RASEF: variants seen among roughly 807,000 people sequenced by gnomAD.
RASEF encodes the protein ras and EF-hand domain-containing protein.
A neutral mutation model predicts 90.1 loss-of-function variants in RASEF; 68 were observed. That is an observed-to-expected ratio of 0.75 (90% CI 0.62 to 0.92). RASEF has a LOEUF of 0.92. Ranked by LOEUF, RASEF falls within the 40% of genes least tolerant of loss-of-function variation. RASEF has a pLI of 0.00. For missense variants in RASEF, 949 were observed against 937.2 expected (o/e 1.01, Z -0.16); for synonymous variants, 331 against 345.2 (o/e 0.96, Z 0.46).
chr9:83,005,150 A>G (rs1446196655), intron 8 of RASEF, among the ~76,000 whole-genome samples: 1 of 152,238 alleles, frequency 6.6e-6, no homozygotes, highest in Non-Finnish European at 1.5e-5. Context: ...CTTTCAGGCC[A>G]AAGATCCCAT....
chr9:83,136,165 G>A, the RASEF span, among the ~76,000 whole-genome samples: 1 of 151,862 alleles, frequency 6.6e-6, no homozygotes, highest in Non-Finnish European at 1.5e-5. Flanking sequence ...TTTTATTTCT[G>A]CATGTATGCA....
chr9:82,995,584 T>C (rs571179095), intron 14 of RASEF, among the ~76,000 whole-genome samples: 7 of 152,152 alleles, frequency 4.6e-5, no homozygotes, highest in Non-Finnish European at 7.3e-5. Context: ...CAGCTGGGAC[T>C]AGAGGTCCAT....
the RASEF span, among the ~76,000 whole-genome samples, chr9:83,099,624 A>G: frequency 6.6e-6 from 1 of 152,250 alleles, no homozygotes; most frequent in Non-Finnish European, 1.5e-5. Flanking sequence ...CAAAATTTCA[A>G]TTTATACATA....
At chr9:83,079,328 T>C in the RASEF span, among the ~76,000 whole-genome samples, 1 of 152,216 alleles carries the variant, frequency 6.6e-6, no homozygotes, top group Non-Finnish European at 1.5e-5. Context: ...CCATTGCTTG[T>C]TTTTGTCAGC....
At chr9:82,998,257 T>G in intron 13 of RASEF, 108 bp downstream of exon 13, 1 of 637,864 alleles carries the variant, frequency 1.6e-6, no homozygotes, top group Non-Finnish European at 2.8e-6. Context: ...CATATAATTA[T>G]AAAGTATGTT....
rs748327193 is a variant in RASEF, at chr9:83,022,316, T to G, written c.669+20A>C. The G allele has an allele frequency of 4.4e-6, 7 of 1,598,890 alleles. No homozygotes were observed. Among genetic ancestry groups the G allele is most frequent in the South Asian group, 1.1e-5 (1 of 90,764 alleles). On this transcript the variant is annotated intron_variant, in intron 3 of 16. Coordinates refer to ENST00000376447, the MANE Select transcript of RASEF (RefSeq NM_152573.4). Reference sequence around the variant, plus strand: ...ACCTCATAAAGATCTGCTGAATGAATGGCCAACCCAGAAACTCACGTCTTT... The same window carrying G: ...ACCTCATAAAGATCTGCTGAATGAAGGGCCAACCCAGAAACTCACGTCTTT...
At chr9:83,158,575 T>C in the RASEF span, among the ~76,000 whole-genome samples, 2 of 147,998 alleles carry the variant, frequency 1.4e-5, no homozygotes, top group African/African-American at 4.9e-5. Flanking sequence ...TATATGTATA[T>C]ATGTTTATAT....
chr9:83,120,777 C>T, the RASEF span, among the ~76,000 whole-genome samples: 1 of 152,106 alleles, frequency 6.6e-6, no homozygotes, highest in Non-Finnish European at 1.5e-5. Flanking sequence ...GTGATAAAGA[C>T]CCTGCCAGGA....
At chr9:83,064,897 T>G (rs981099096), upstream of RASEF, among the ~76,000 whole-genome samples, 1 of 152,062 alleles carries the variant, frequency 6.6e-6, no homozygotes, top group African/African-American at 2.4e-5. Flanking sequence ...TGAAAGCCTG[T>G]CTCTACTAAA....
At chr9:83,042,179 T>C (rs1829855594) in intron 1 of RASEF, among the ~76,000 whole-genome samples, 1 of 152,128 alleles carries the variant, frequency 6.6e-6, no homozygotes, top group Non-Finnish European at 1.5e-5. Flanking sequence ...GCAAAATGAA[T>C]ACAAAAGCTA....
chr9:83,140,463 A>G, the RASEF span, among the ~76,000 whole-genome samples: 2 of 152,208 alleles, frequency 1.3e-5, no homozygotes, highest in Admixed American at 1.3e-4. Flanking sequence ...TGAATGGGAT[A>G]AAAGTCTTCC....
chr9:83,143,244 A>G, the RASEF span, among the ~76,000 whole-genome samples: 5 of 152,226 alleles, frequency 3.3e-5, no homozygotes, highest in African/African-American at 9.6e-5. Flanking sequence ...ACCTAATTAA[A>G]CTGAAGAGCT....
chr9:83,116,319 C>T, the RASEF span, among the ~76,000 whole-genome samples: 5 of 152,164 alleles, frequency 3.3e-5, no homozygotes, highest in East Asian at 9.6e-4. Context: ...GGGCCACACT[C>T]CTTGGTGATT....
intron 5 of RASEF, among the ~76,000 whole-genome samples, chr9:83,010,189 T>C (rs1455506261): frequency 1.3e-5 from 2 of 152,226 alleles, no homozygotes; most frequent in Non-Finnish European, 1.5e-5. Flanking sequence ...CATCACTTAA[T>C]ATTTTAAGTT....
intron 1 of RASEF, among the ~76,000 whole-genome samples, chr9:83,026,416 G>C (rs62561900): frequency 6.6e-6 from 1 of 152,088 alleles, no homozygotes; most frequent in Non-Finnish European, 1.5e-5. Context: ...TGACTGGGAG[G>C]CCTCAGGAAA....
intron 2 of RASEF, among the ~76,000 whole-genome samples, chr9:83,023,260 C>T (rs1469999715): frequency 6.6e-6 from 1 of 152,138 alleles, no homozygotes; most frequent in East Asian, 1.9e-4. Flanking sequence ...GATAAGGTTA[C>T]CTTTTAGAAA....
intron 1 of RASEF, among the ~76,000 whole-genome samples, chr9:83,041,575 G>C (rs74842163): frequency 0.013 from 1,972 of 152,254 alleles, 43 homozygotes; most frequent in African/African-American, 0.044. Flanking sequence ...AGTGAAGTAA[G>C]ACCCTTTGAG....
the RASEF span, among the ~76,000 whole-genome samples, chr9:83,194,661 C>A: frequency 6.6e-6 from 1 of 152,154 alleles, no homozygotes; most frequent in Non-Finnish European, 1.5e-5. Context: ...ATTTGGGATT[C>A]TTCTGTAGGA....
chr9:83,158,190 T>C, the RASEF span, among the ~76,000 whole-genome samples: 1 of 152,146 alleles, frequency 6.6e-6, no homozygotes, highest in African/African-American at 2.4e-5. Flanking sequence ...TGCAAGGTTA[T>C]TTCAATAAGG....
Sources: allele counts gnomAD v4.1 joint callset (sites outside exome capture counted in the v4.1 genomes callset), GRCh38; gene constraint gnomAD v4.1.1; transcripts MANE v1.5; gene names NCBI Gene and HGNC (gene_info 2026-07-23, HGNC 2026-07-21).